Variants in ATG101 observed in about 807,000 individuals in gnomAD.
ATG101 encodes autophagy-related protein 101.
In ATG101, 6 loss-of-function variants were observed where a neutral mutation model predicts 16.7. The observed-to-expected ratio is 0.36, with a 90% confidence interval of 0.20 to 0.71. The LOEUF (loss-of-function observed/expected upper bound fraction) is 0.71, where lower values mean the gene tolerates loss of function less well. ATG101 is among the 30% of genes least tolerant of loss of function. The pLI, the probability that ATG101 is intolerant of heterozygous loss-of-function variation, is 0.57. For missense variants in ATG101, 200 were observed against 292.5 expected (o/e 0.68, Z 2.31); for synonymous variants, 108 against 118.1 (o/e 0.91, Z 0.56).
At chr12:52,072,739 T>A (rs956643322) in intron 2 of ATG101, among the ~76,000 whole-genome samples, 2 of 142,964 alleles carry the variant, frequency 1.4e-5, no homozygotes, top group African/African-American at 5.0e-5. Flanking sequence ...CCAAAGGTAC[T>A]TGTCTTTTTT....
In ATG101 at chr12:52,074,021, C is replaced by T. The variant is rs1313143422; in HGVS notation, c.252+119C>T. On this transcript the variant is annotated intron_variant, in intron 3 of 3. Coordinates refer to ENST00000336854, the MANE Select transcript of ATG101 (RefSeq NM_021934.5). ...GCCTTCTCTTCCTGAGTGCGTGAAT[C>T]GGGTTCTTTCAGGTTCTGAGAAACA... The T allele has an allele frequency of 1.1e-5, 16 of 1,409,258 alleles. No individual in the cohort carries two copies. In the South Asian group the frequency reaches 1.3e-4, roughly 12 times the overall value. The allele number at this position is 1,409,258 out of a possible 1,614,324, so 87.3% of individuals were successfully genotyped here.
chr12:52,073,848 T>C lies in ATG101; in HGVS notation c.198T>C (p.Arg66=). 1 of 1,614,264 alleles carries C rather than the reference T, an allele frequency of 6.2e-7. No individual in the cohort carries two copies. The highest frequency in any genetic ancestry group is 8.5e-7 in the Non-Finnish European group (1 of 1,180,044). The change falls in exon 3 of 4, where the codon CGT becomes CGC. Residue 66 remains arginine, a synonymous_variant. Coordinates refer to ENST00000336854, the MANE Select transcript of ATG101 (RefSeq NM_021934.5). Reference sequence around the variant, plus strand: ...ACTTCATCGACTTCACTTATGTGCGTGTCTCTTCTGAGGAACTGGATCGTG... The same window carrying C: ...ACTTCATCGACTTCACTTATGTGCGCGTCTCTTCTGAGGAACTGGATCGTG... The part of the protein sequence containing the change: ...DCDFIDFTYV[R]VSSEELDRAL...
chr12:52,067,029 C>T (rs901189389), upstream of ATG101, among the ~76,000 whole-genome samples: 4 of 152,188 alleles, frequency 2.6e-5, no homozygotes, highest in African/African-American at 9.6e-5. Flanking sequence ...TTCTCTTTCT[C>T]CCAGGAGAGG....
At chr12:52,066,986 C>T (rs115981799), upstream of ATG101, among the ~76,000 whole-genome samples, 529 of 152,282 alleles carry the variant, frequency 3.5e-3, 3 homozygotes, top group African/African-American at 0.012. Context: ...TGCAGCCTCC[C>T]GAAGAGGTCG....
intron 2 of ATG101, among the ~76,000 whole-genome samples, chr12:52,071,992 G>T (rs1939657558): frequency 6.6e-6 from 1 of 152,136 alleles, no homozygotes; most frequent in Non-Finnish European, 1.5e-5. Flanking sequence ...TAGTTCTCAA[G>T]TCTCTTGTTC....
At chr12:52,071,314 G>C (rs762053773) in intron 2 of ATG101, 1 of 152,164 alleles carries the variant, frequency 6.6e-6, no homozygotes, top group African/African-American at 2.4e-5. Context: ...ACTTAGAGGA[G>C]AGCTGCTAGG....
intron 2 of ATG101, among the ~76,000 whole-genome samples, chr12:52,072,899 A>G (rs1356301415): frequency 1.3e-5 from 2 of 152,018 alleles, no homozygotes; most frequent in Non-Finnish European, 2.9e-5. Context: ...CAGCCCCTCA[A>G]GTAACTGGGA....
rs371911093 is a variant in ATG101, at chr12:52,070,195, C to G, written c.-254C>G. On this transcript the variant is annotated 5_prime_UTR_variant, in exon 1 of 4. Transcript: ENST00000336854. ...CAGCCTGGGCGCGGGGCGCCGCCCC[C>G]GAGACACCCGAGGAGTCCGTTCCTC... is the stretch of plus-strand genomic sequence containing the variant. 3 of 152,266 alleles carry G rather than the reference C, an allele frequency of 2.0e-5. No individual in the cohort carries two copies. 9.4% of individuals were successfully genotyped at this position (152,266 alleles called of 1,614,324 possible).
At chr12:52,070,636 A>G (rs2120606375) in intron 2 of ATG101, 153 bp downstream of exon 2, 1 of 152,460 alleles carries the variant, frequency 6.6e-6, no homozygotes, top group East Asian at 1.9e-4. Flanking sequence ...GGGGACAACA[A>G]GGTTTTCACA....
At chr12:52,073,389 T>G (rs1939680272) in intron 2 of ATG101, among the ~76,000 whole-genome samples, 186 bp from the exon 3 acceptor site, 1 of 152,218 alleles carries the variant, frequency 6.6e-6, no homozygotes, top group African/African-American at 2.4e-5. Flanking sequence ...AGCCTGTCAT[T>G]TGGACTGATA....
In ATG101 at chr12:52,077,328, T is replaced by C. The variant is rs985280239; in HGVS notation, c.*138T>C. The C allele has an allele frequency of 1.0e-6, 1 of 964,332 alleles. No individual in the cohort carries two copies. Among genetic ancestry groups the C allele is most frequent in the East Asian group, 2.6e-5 (1 of 38,360 alleles). The allele number at this position is 964,332 out of a possible 1,614,324, so 59.7% of individuals were successfully genotyped here. ...GAAGGGGCAGCCCCCGCTGGCTTCT[T>C]GGTTTTGTGGTTGCCAGCCTCAGGT... On this transcript the variant is annotated 3_prime_UTR_variant, in exon 4 of 4. Transcript: ENST00000336854.
At chr12:52,066,950 T>G (rs1939557590), upstream of ATG101, among the ~76,000 whole-genome samples, 1 of 152,190 alleles carries the variant, frequency 6.6e-6, no homozygotes, top group South Asian at 2.1e-4. Flanking sequence ...CTCTCAATAT[T>G]TCCTCCTGAT....
At chr12:52,068,990 CAAAAAAAAAAAAAA>C (rs869030833), upstream of ATG101, among the ~76,000 whole-genome samples, 23 of 33,518 alleles carry the variant, frequency 6.9e-4, no homozygotes, top group South Asian at 2.5e-3. Context: ...GACGCCGTCT[CAAAAAAAAAAAAAA>C]AAAAAAAAAA....
chr12:52,067,434 T>C (rs1253309441), upstream of ATG101, among the ~76,000 whole-genome samples: 2 of 152,130 alleles, frequency 1.3e-5, no homozygotes, highest in African/African-American at 4.8e-5. Context: ...TGGGGGTGTA[T>C]TGGAGAGTGG....
In ATG101 at chr12:52,076,839, C is replaced by A; in HGVS notation, c.306C>A (p.Phe102Leu). The change falls in exon 4 of 4, where the codon TTC becomes TTA. Residue 102 changes from phenylalanine (F) to leucine (L), a missense_variant. By Grantham distance (22) the Phe-to-Leu change is conservative. Coordinates refer to ENST00000336854, the MANE Select transcript of ATG101 (RefSeq NM_021934.5). ...GGCTGGGGCAGATGTCCTTGGAGTT[C>A]TACCAGAAGAAGAAGTCTCGCTGGC... ...GDGLGQMSLEFYQKKKSRWPF... is the reference protein window; with the variant it reads ...GDGLGQMSLELYQKKKSRWPF... 2 of 1,614,184 alleles carry A rather than the reference C, an allele frequency of 1.2e-6. No homozygotes were observed. The highest frequency in any genetic ancestry group is 1.7e-6 in the Non-Finnish European group (2 of 1,180,034).
rs905446613 is a variant in ATG101 at position 52,070,341 on chromosome 12, G to A, written c.-206-13G>A. 1.3e-5 allele frequency: 2 copies of A among 152,414 alleles called. No individual in the cohort carries two copies. The highest frequency in any genetic ancestry group is 2.9e-5 in the Non-Finnish European group (2 of 68,096). 9.4% of individuals were successfully genotyped at this position (152,414 alleles called of 1,614,324 possible). On this transcript the variant is annotated splice_polypyrimidine_tract_variant and intron_variant, in intron 1 of 3. Coordinates refer to ENST00000336854, the MANE Select transcript of ATG101 (RefSeq NM_021934.5). ...GATATGGAGCCAAGTAAGTTTTCTG[G>A]TTTTGCTTTTAGCTGGTCTCTTGTG... is the stretch of plus-strand genomic sequence containing the variant.
rs201879001 is a variant in ATG101 at position 52,073,627 on chromosome 12, T to A, written c.-24T>A. On this transcript the variant is annotated 5_prime_UTR_variant, in exon 3 of 4. It adds an upstream start codon to the 5' untranslated region. Coordinates refer to ENST00000336854, the MANE Select transcript of ATG101 (RefSeq NM_021934.5). Reference sequence around the variant, plus strand: ...CCTGTCTTTATCCTAGTTCCACACCTTGGTGTGGGTTACTGGGTGCAGGAT... The same window carrying A: ...CCTGTCTTTATCCTAGTTCCACACCATGGTGTGGGTTACTGGGTGCAGGAT... The A allele has an allele frequency of 6.2e-7, 1 of 1,604,244 alleles. No homozygotes were observed.
chr12:52,065,903 G>A (rs1394853364), upstream of ATG101, among the ~76,000 whole-genome samples: 1 of 152,192 alleles, frequency 6.6e-6, no homozygotes, highest in Non-Finnish European at 1.5e-5. Context: ...TTGAGATGGA[G>A]TTTCGCTCTT....
intron 3 of ATG101, among the ~76,000 whole-genome samples, chr12:52,075,339 G>C (rs1435157135): frequency 6.6e-6 from 1 of 152,204 alleles, no homozygotes; most frequent in Non-Finnish European, 1.5e-5. Context: ...CATGGGCTTT[G>C]GAGCTGGGGT....
Sources: gnomAD v4.1 joint callset for allele counts (sites outside exome capture counted in the v4.1 genomes callset) on GRCh38, gnomAD v4.1.1 for gene constraint, MANE v1.5 for transcripts, NCBI Gene and HGNC (gene_info 2026-07-23, HGNC 2026-07-21) for gene names.